CHRNA7: variants seen among roughly 807,000 people sequenced by gnomAD.
CHRNA7 encodes cholinergic receptor nicotinic alpha 7 subunit.
CHRNA7 carries 17 observed loss-of-function variants against 48.0 expected under a neutral mutation model. The ratio of observed to expected loss-of-function variants is 0.35; its 90% CI spans 0.24 to 0.53. The LOEUF is 0.53. CHRNA7 is among the 20% of genes least tolerant of loss of function. The pLI is 0.92. For missense variants in CHRNA7, 155 were observed against 577.7 expected, an observed-to-expected ratio of 0.27 and a Z score of 7.50; for synonymous variants, 75 against 242.3, an observed-to-expected ratio of 0.31 and a Z score of 6.41.
At chr15:32,165,510 CTTAA>C (rs1261934134) in intron 9 of CHRNA7, among the ~76,000 whole-genome samples, 2 of 147,916 alleles carry the variant, frequency 1.4e-5, no homozygotes, top group African/African-American at 2.5e-5. Flanking sequence ...CTAGAACAAT[CTTAA>C]TTAAGAACAT....
At chr15:32,055,420 G>T (rs1286619948) in intron 2 of CHRNA7, among the ~76,000 whole-genome samples, 2 of 152,156 alleles carry the variant, frequency 1.3e-5, no homozygotes, top group African/African-American at 2.4e-5. Flanking sequence ...TGATATCAAG[G>T]TGCCAGTATC....
chr15:32,033,399 C>T (rs1476922869), intron 2 of CHRNA7, among the ~76,000 whole-genome samples: 4 of 152,334 alleles, frequency 2.6e-5, no homozygotes, highest in East Asian at 1.9e-4. Context: ...GGTGTGGTCA[C>T]ATGCCCAAGG....
At chr15:32,051,543 G>T (rs1197438487) in intron 2 of CHRNA7, among the ~76,000 whole-genome samples, 1 of 150,242 alleles carries the variant, frequency 6.7e-6, no homozygotes, top group African/African-American at 2.4e-5. Context: ...TTTTCCAGGT[G>T]CCGTCTGTCA....
At chr15:32,114,141 C>G (rs2050826997) in intron 4 of CHRNA7, among the ~76,000 whole-genome samples, 1 of 148,034 alleles carries the variant, frequency 6.8e-6, no homozygotes, top group Admixed American at 6.8e-5. Flanking sequence ...CACACACACA[C>G]ACAGAGAGAG....
intron 2 of CHRNA7, among the ~76,000 whole-genome samples, chr15:32,077,028 C>T (rs1231591776): frequency 6.6e-6 from 1 of 152,144 alleles, no homozygotes; most frequent in Non-Finnish European, 1.5e-5. Context: ...AATGTATGGT[C>T]CCACAGTTGG....
At chr15:32,145,999 A>T (rs750233583) in intron 4 of CHRNA7, among the ~76,000 whole-genome samples, 4 of 152,108 alleles carry the variant, frequency 2.6e-5, no homozygotes, top group Non-Finnish European at 5.9e-5. Context: ...TTCTGCGTTG[A>T]TCTCGTTTGG....
intron 2 of CHRNA7, among the ~76,000 whole-genome samples, chr15:32,032,872 ACTT>A (rs940617478): frequency 4.6e-5 from 7 of 152,336 alleles, no homozygotes; most frequent in South Asian, 2.1e-4. Flanking sequence ...TCTTCTGGGA[ACTT>A]CTTCTTTAAG....
At chr15:32,034,242 G>T (rs1901978840) in intron 2 of CHRNA7, among the ~76,000 whole-genome samples, 1 of 152,194 alleles carries the variant, frequency 6.6e-6, no homozygotes, top group African/African-American at 2.4e-5. Flanking sequence ...TTTCCAGGTT[G>T]AGGAAAGACT....
intron 2 of CHRNA7, among the ~76,000 whole-genome samples, chr15:32,086,318 A>G (rs184084839): frequency 0.015 from 2,202 of 146,300 alleles, 36 homozygotes; most frequent in East Asian, 0.02. Context: ...GCAGTGAGCC[A>G]AGATTGCACC....
intron 2 of CHRNA7, among the ~76,000 whole-genome samples, chr15:32,055,583 T>C (rs1595393213): frequency 6.6e-6 from 1 of 152,078 alleles, no homozygotes; most frequent in African/African-American, 2.4e-5. Flanking sequence ...TTCAGGAGGG[T>C]GGGGCCTTCA....
At chr15:32,131,387 C>T (rs917951855) in intron 4 of CHRNA7, among the ~76,000 whole-genome samples, 1 of 151,690 alleles carries the variant, frequency 6.6e-6, no homozygotes, top group African/African-American at 2.4e-5. Context: ...TCTATTTTAC[C>T]TTTGTTGCTC....
At chr15:32,043,513 T>A (rs2049484335) in intron 2 of CHRNA7, among the ~76,000 whole-genome samples, 1 of 152,116 alleles carries the variant, frequency 6.6e-6, no homozygotes, top group Admixed American at 6.5e-5. Flanking sequence ...AGTTTGTTAG[T>A]CATATTTCTT....
chr15:32,137,645 T>C (rs1221696712), intron 4 of CHRNA7, among the ~76,000 whole-genome samples: 1 of 152,128 alleles, frequency 6.6e-6, no homozygotes, highest in African/African-American at 2.4e-5. Flanking sequence ...GATACAGATA[T>C]AGAAAAAATG....
intron 4 of CHRNA7, among the ~76,000 whole-genome samples, chr15:32,115,648 C>T (rs1012822387): frequency 6.6e-6 from 1 of 152,122 alleles, no homozygotes; most frequent in Non-Finnish European, 1.5e-5. Flanking sequence ...ACCTCCCTGA[C>T]ACCCTCACCC....
intron 2 of CHRNA7, among the ~76,000 whole-genome samples, chr15:32,044,409 C>T (rs982959810): frequency 5.3e-5 from 8 of 152,140 alleles, no homozygotes; most frequent in Non-Finnish European, 7.3e-5. Flanking sequence ...TCCCGAGTAG[C>T]TGGAACTACA....
Position 32,048,803 on chromosome 15 carries a change from A to G in CHRNA7, c.195+17766A>G, listed in dbSNP as rs192148466. 4.5e-3 allele frequency among the ~76,000 whole-genome samples: 680 copies of G among 151,864 alleles called. 7 individuals are homozygous for G. The highest frequency in any genetic ancestry group is 0.038 in the Middle Eastern group (11 of 292). ...AGCTTTCCTGCTTTCTCTTGTGGGC[A>G]TTTAGTGCTATAAATTTCCCTGTAG... is the stretch of plus-strand genomic sequence containing the variant. On this transcript the variant is annotated intron_variant, in intron 2 of 9. Transcript: ENST00000306901.
At chr15:32,101,991 G>T (rs1485844942) in intron 3 of CHRNA7, 1 of 152,128 alleles carries the variant, frequency 6.6e-6, no homozygotes, top group African/African-American at 2.4e-5. Context: ...AACACCATAT[G>T]AACAAGCCTT....
chr15:32,145,910 G>A lies in CHRNA7; in HGVS notation c.351-7997G>A, dbSNP rs147039269. On this transcript the variant is annotated intron_variant, in intron 4 of 9. Transcript: ENST00000306901. ...GCGACGCCCCACCCTGCTTTGGCTT[G>A]CCCTCCGTGGGTTGCACCCACTGTC... is the stretch of plus-strand genomic sequence containing the variant. 2.0e-3 allele frequency among the ~76,000 whole-genome samples: 308 copies of A among 152,300 alleles called. 2 individuals are homozygous for A. The Middle Eastern group carries it at 0.02, about 10-fold the overall frequency.
At chr15:32,070,277 A>G (rs989889605) in intron 2 of CHRNA7, among the ~76,000 whole-genome samples, 3 of 152,100 alleles carry the variant, frequency 2.0e-5, no homozygotes, top group Admixed American at 1.3e-4. Flanking sequence ...TCTAACCTCC[A>G]GGCAACCACT....
Sources: allele counts gnomAD v4.1 joint callset (sites outside exome capture counted in the v4.1 genomes callset), GRCh38; gene constraint gnomAD v4.1.1; transcripts MANE v1.5; gene names NCBI Gene and HGNC (gene_info 2026-07-23, HGNC 2026-07-21).